Variants in ZNF175 observed in about 807,000 individuals in gnomAD.
The protein encoded by ZNF175 is zinc finger protein OTK18.
In ZNF175, 8 loss-of-function variants were observed where a neutral mutation model predicts 14.0. That is an observed-to-expected ratio of 0.57 (90% CI 0.34 to 1.03). ZNF175 has a LOEUF of 1.03. ZNF175 is among the 50% of genes least tolerant of loss of function. The pLI, the probability that ZNF175 is intolerant of heterozygous loss-of-function variation, is 0.03. For synonymous variants in ZNF175, 255 were observed against 296.8 expected (o/e 0.86, Z 1.45); for missense variants, 764 against 849.5 (o/e 0.90, Z 1.25).
chr19:51,587,542 C>G lies in ZNF175; in HGVS notation c.1211C>G (p.Ser404Ter). The change falls in exon 5 of 5, where the codon TCA becomes TGA. Residue 404 changes from serine (S) to a stop codon, truncating the protein, a stop_gained. Coordinates refer to ENST00000262259, the MANE Select transcript of ZNF175 (RefSeq NM_007147.4). LOFTEE classifies it low-confidence loss of function (END_TRUNC). Reference protein sequence around the residue: ...SECGKGFSQNSTLIIHQKIHT... With the variant: ...SECGKGFSQN ...TGTGGCAAAGGCTTCTCCCAAAACT[C>G]AACCCTCATTATACATCAGAAAATT... is the stretch of plus-strand genomic sequence containing the variant. The G allele has an allele frequency of 6.2e-7, 1 of 1,614,200 alleles. No individual in the cohort carries two copies. Among genetic ancestry groups the G allele is most frequent in the Non-Finnish European group, 8.5e-7 (1 of 1,180,030 alleles).
At chr19:51,577,062 A>G (rs1390694653) in intron 2 of ZNF175, among the ~76,000 whole-genome samples, 1 of 152,204 alleles carries the variant, frequency 6.6e-6, no homozygotes, top group African/African-American at 2.4e-5. Flanking sequence ...AACGAAAACA[A>G]AAGACCTGAG....
chr19:51,589,596 C>T lies in ZNF175; in HGVS notation c.*1129C>T. On this transcript the variant is annotated 3_prime_UTR_variant, in exon 5 of 5. Transcript: ENST00000262259. ...TTCCATCTCCACCATCTATAGTGAG[C>T]CTCTCCATAATTAGTGCCAACCATT... The T allele has an allele frequency of 1.4e-6, 1 of 701,964 alleles. No individual in the cohort carries two copies. The highest frequency in any genetic ancestry group is 2.6e-6 in the Non-Finnish European group (1 of 384,744). The allele number at this position is 701,964 out of a possible 1,614,324, so 43.5% of individuals were successfully genotyped here.
In ZNF175 at chr19:51,591,555, G is replaced by C. The variant is rs1208555490; in HGVS notation, c.*3088G>C. The C allele has an allele frequency of 7.2e-5, 11 of 152,198 alleles. No individual in the cohort carries two copies. Among genetic ancestry groups the C allele is most frequent in the Admixed American group, 6.5e-4 (10 of 15,274 alleles). 9.4% of individuals were successfully genotyped at this position (152,198 alleles called of 1,614,324 possible). On this transcript the variant is annotated 3_prime_UTR_variant, in exon 5 of 5. Transcript: ENST00000262259. ...GAGAAGCTACTATTCTAGGCAGCTTGTATGAACTAACTCGTTTATTCCTCA... is the reference window on the plus strand; with the variant it reads ...GAGAAGCTACTATTCTAGGCAGCTTCTATGAACTAACTCGTTTATTCCTCA...
At chr19:51,582,743 T>C (rs764516369) in intron 4 of ZNF175, among the ~76,000 whole-genome samples, 5 of 152,308 alleles carry the variant, frequency 3.3e-5, no homozygotes, top group Non-Finnish European at 7.4e-5. Flanking sequence ...GCCTTTTTTT[T>C]CCAGTTTTTT....
chr19:51,573,671 A>G (rs1171857228), intron 2 of ZNF175: 1 of 466,492 alleles, frequency 2.1e-6, no homozygotes, highest in Non-Finnish European at 3.7e-6. Context: ...CATAGGATGG[A>G]AAAGCTGACT....
In ZNF175 at chr19:51,581,176, A is replaced by G. The variant is rs570511856; in HGVS notation, c.73-215A>G. Among the ~76,000 whole-genome samples the G allele has an allele frequency of 3.9e-5, 6 of 152,280 alleles. No homozygotes were observed. The South Asian group carries it at 1.2e-3, about 32-fold the overall frequency. On this transcript the variant is annotated intron_variant, in intron 2 of 4. Transcript: ENST00000262259. ...ACCCATTTCTGGCCTCATTTTTGAAAAAAAAAAATGAATGAATGAATGTAG... is the reference window on the plus strand; with the variant it reads ...ACCCATTTCTGGCCTCATTTTTGAAGAAAAAAAATGAATGAATGAATGTAG...
Position 51,571,309 on chromosome 19 carries a change from G to C in ZNF175, c.-347G>C, listed in dbSNP as rs539171450. The C allele has an allele frequency of 6.6e-6, 1 of 151,992 alleles. No homozygotes were observed. The highest frequency in any genetic ancestry group is 6.6e-5 in the Admixed American group (1 of 15,248). 9.4% of individuals were successfully genotyped at this position (151,992 alleles called of 1,614,324 possible). On this transcript the variant is annotated 5_prime_UTR_variant, in exon 1 of 5. Coordinates refer to ENST00000262259, the MANE Select transcript of ZNF175 (RefSeq NM_007147.4). ...ACCATTTAGCTTCTGTTGTTAAGTG[G>C]ATCTAAGCCTATGTCGCTTACTGGA...
Position 51,586,984 on chromosome 19 carries a change from A to G in ZNF175, c.653A>G (p.Asn218Ser), listed in dbSNP as rs368222521. ...NLEVNGQNES[N>S]DTEQLDDVVG... ...GAAGTGAACGGTCAGAATGAAAGCAATGACACAGAACAGCTTGATGACGTT... is the reference window on the plus strand; with the variant it reads ...GAAGTGAACGGTCAGAATGAAAGCAGTGACACAGAACAGCTTGATGACGTT... The change falls in exon 5 of 5, where the codon AAT becomes AGT. Residue 218 changes from asparagine to serine, a missense_variant. Transcript: ENST00000262259. 1.3e-5 allele frequency: 21 copies of G among 1,614,138 alleles called. No individual in the cohort carries two copies. Among genetic ancestry groups the G allele is most frequent in the African/African-American group, 5.3e-5 (4 of 74,952 alleles).
rs1982013138 is a variant in ZNF175 at position 51,581,804 on chromosome 19, C to T, written c.217C>T (p.Pro73Ser). The change falls in exon 4 of 5, where the codon CCA (proline) becomes TCA (serine). Residue 73 changes from proline (P) to serine (S), a missense_variant. Pro to Ser is a moderately conservative substitution (Grantham distance 74, BLOSUM62 -1). Coordinates refer to ENST00000262259, the MANE Select transcript of ZNF175 (RefSeq NM_007147.4). ...ATTAACAGGGTATCACATTCCCAACCCAGAGGTCATCTTCAGAATGCTAAA... is the reference window on the plus strand; with the variant it reads ...ATTAACAGGGTATCACATTCCCAACTCAGAGGTCATCTTCAGAATGCTAAA... Reference protein sequence around the residue: ...LFAVGYHIPNPEVIFRMLKEK... With the variant: ...LFAVGYHIPNSEVIFRMLKEK... The T allele has an allele frequency of 6.2e-7, 1 of 1,613,874 alleles. No individual in the cohort carries two copies. Among genetic ancestry groups the T allele is most frequent in the East Asian group, 2.2e-5 (1 of 44,878 alleles).
At chr19:51,581,991 C>A in intron 4 of ZNF175, 109 bp downstream of exon 4, 1 of 965,988 alleles carries the variant, frequency 1.0e-6, no homozygotes, top group Non-Finnish European at 1.6e-6. Context: ...CGTAGATTGC[C>A]TCCTACTCCC....
chr19:51,577,391 A>G (rs910422835), intron 2 of ZNF175, among the ~76,000 whole-genome samples: 5 of 151,698 alleles, frequency 3.3e-5, no homozygotes, highest in African/African-American at 1.2e-4. Flanking sequence ...GTCATTTTCT[A>G]TTTCTTTGGT....
At chr19:51,571,783 A>G (rs971097849) in intron 1 of ZNF175, among the ~76,000 whole-genome samples, 1 of 152,062 alleles carries the variant, frequency 6.6e-6, no homozygotes, top group Non-Finnish European at 1.5e-5. Flanking sequence ...GGACTAGGGG[A>G]GTCAGTGATT....
Position 51,573,198 on chromosome 19 carries a change from C to T in ZNF175, c.-132C>T, listed in dbSNP as rs537142369. On this transcript the variant is annotated 5_prime_UTR_variant, in exon 2 of 5. Transcript: ENST00000262259. ...GGCCACATCATTGAGGCTGCAGGAT[C>T]TCTCTTCATAGCCCAGTACGACTCT... 1.8e-4 allele frequency: 153 copies of T among 833,732 alleles called. No individual in the cohort carries two copies. The highest frequency in any genetic ancestry group is 2.3e-4 in the Non-Finnish European group (113 of 497,452). The allele number at this position is 833,732 out of a possible 1,614,324, so 51.6% of individuals were successfully genotyped here.
rs766285111 is a variant in ZNF175, at chr19:51,587,804, T to A, written c.1473T>A (p.Asp491Glu). The A allele has an allele frequency of 1.2e-6, 2 of 1,614,110 alleles. No homozygotes were observed. Among genetic ancestry groups the A allele is most frequent in the Non-Finnish European group, 1.7e-6 (2 of 1,180,012 alleles). Residue 491 changes from aspartate (D) to glutamate (E), a missense_variant, in exon 5 of 5, where the codon GAT becomes GAA. Transcript: ENST00000262259. The stretch of plus-strand genomic sequence containing the variant: ...CCTTCATTTCCAAGTCACAGCTTGA[T>A]ATACATCATCGAATTCATACAGGGG... ...GKSFISKSQL[D>E]IHHRIHTGEK...
rs1469529672 is a variant in ZNF175 at position 51,591,036 on chromosome 19, T to A, written c.*2569T>A. The A allele has an allele frequency of 1.3e-5, 2 of 152,332 alleles. No homozygotes were observed. The highest frequency in any genetic ancestry group is 2.9e-5 in the Non-Finnish European group (2 of 68,208). The allele number at this position is 152,332 out of a possible 1,614,324, so 9.4% of individuals were successfully genotyped here. ...GGGGGGATCACTCTGGGTCCTCATC[T>A]CCAGCCACATGTTCACTCCTCACGT... On this transcript the variant is annotated 3_prime_UTR_variant, in exon 5 of 5. Transcript: ENST00000262259.
rs1409298184 is a variant in ZNF175 at position 51,592,359 on chromosome 19, G to T, written c.*3892G>T. The T allele has an allele frequency of 8.1e-6, 3 of 368,544 alleles. No homozygotes were observed. Among genetic ancestry groups the T allele is most frequent in the Admixed American group, 4.3e-5 (1 of 23,116 alleles). 22.8% of individuals were successfully genotyped at this position (368,544 alleles called of 1,614,324 possible). On this transcript the variant is annotated 3_prime_UTR_variant, in exon 5 of 5. Coordinates refer to ENST00000262259, the MANE Select transcript of ZNF175 (RefSeq NM_007147.4). ...GAATAATAATAGATCTCGCCTTGTGGCTCCTTTGCAGATTACATGCGTTAA... is the reference window on the plus strand; with the variant it reads ...GAATAATAATAGATCTCGCCTTGTGTCTCCTTTGCAGATTACATGCGTTAA...
rs934237876 is a variant in ZNF175, at chr19:51,577,816, A to G, written c.73-3575A>G. Among the ~76,000 whole-genome samples the G allele has an allele frequency of 5.3e-5, 8 of 151,904 alleles. 1 individual carries two copies. In the East Asian group the frequency reaches 9.9e-4, roughly 19 times the overall value. Reference sequence around the variant, plus strand: ...GTAGCTGGGACTAAAGGCGCCCGCCACCACACCAAGCTAATTTTTTGTATT... The same window carrying G: ...GTAGCTGGGACTAAAGGCGCCCGCCGCCACACCAAGCTAATTTTTTGTATT... On this transcript the variant is annotated intron_variant, in intron 2 of 4. Coordinates refer to ENST00000262259, the MANE Select transcript of ZNF175 (RefSeq NM_007147.4).
At chr19:51,579,538 C>G (rs1200310443) in intron 2 of ZNF175, among the ~76,000 whole-genome samples, 3 of 152,214 alleles carry the variant, frequency 2.0e-5, no homozygotes, top group Middle Eastern at 3.4e-3. Flanking sequence ...CATTAGTCAT[C>G]TGGGAATTGC....
rs1314415244 is a variant in ZNF175 at position 51,587,999 on chromosome 19, G to GT, written c.1668_1669insT (p.Lys557Ter). 1 of 1,614,126 alleles carries GT rather than the reference G, an allele frequency of 6.2e-7. No homozygotes were observed. The highest frequency in any genetic ancestry group is 8.5e-7 in the Non-Finnish European group (1 of 1,180,016). ...TGCATCAGAGAATTCACACCGGAGA[G>GT]AAGCCTTACAAATGCAGTGAATGTG... On this transcript the variant is annotated frameshift_variant, in exon 5 of 5. Transcript: ENST00000262259. LOFTEE classifies it low-confidence loss of function (END_TRUNC).
Sources: gnomAD v4.1 joint callset for allele counts (sites outside exome capture counted in the v4.1 genomes callset) on GRCh38, gnomAD v4.1.1 for gene constraint, MANE v1.5 for transcripts, NCBI Gene and HGNC (gene_info 2026-07-23, HGNC 2026-07-21) for gene names.